The following ODF2 variants were observed in gnomAD, a reference collection of about 807,000 sequenced individuals.
ODF2 encodes outer dense fiber protein 2.
A neutral mutation model predicts 110.2 loss-of-function variants in ODF2; 47 were observed. The observed-to-expected ratio is 0.43, with a 90% CI of 0.34 to 0.54. ODF2 has a LOEUF of 0.54. Ranked by LOEUF, ODF2 falls within the 20% of genes least tolerant of loss-of-function variation. The pLI is 0.03. For synonymous variants in ODF2, 352 were observed against 397.7 expected, an observed-to-expected ratio of 0.89 and a Z score of 1.37; for missense variants, 812 against 1,054.5, an observed-to-expected ratio of 0.77 and a Z score of 3.19.
At chr9:128,467,226 C>T (rs893751216) in intron 4 of ODF2, among the ~76,000 whole-genome samples, 1 of 150,512 alleles carries the variant, frequency 6.6e-6, no homozygotes, top group Non-Finnish European at 1.5e-5. Flanking sequence ...CAGACCTCTA[C>T]AGCATGATGC....
chr9:128,466,392 G>C (rs2131602005), intron 4 of ODF2, among the ~76,000 whole-genome samples: 1 of 151,584 alleles, frequency 6.6e-6, no homozygotes, highest in East Asian at 1.9e-4. Flanking sequence ...GGTTGAGCCT[G>C]GGAGGCAGAG....
At chr9:128,462,987 G>C (rs938399014) in intron 4 of ODF2, among the ~76,000 whole-genome samples, 1 of 152,138 alleles carries the variant, frequency 6.6e-6, no homozygotes, top group Non-Finnish European at 1.5e-5. Context: ...CTGGCTGGGC[G>C]TGGTGGGCTC....
intron 19 of ODF2, 46 bp downstream of exon 19, chr9:128,498,621 A>G (rs1347124275): frequency 1.8e-6 from 2 of 1,088,800 alleles, no homozygotes; most frequent in Non-Finnish European, 2.7e-6. Context: ...CCTTGGGCAA[A>G]TCACCTAAAC....
In ODF2 at chr9:128,460,345, T is replaced by C. The variant is rs746488858; in HGVS notation, c.124-597T>C. On this transcript the variant is annotated intron_variant, in intron 3 of 20. Transcript: ENST00000604420. ...CTTGAGTGGACCAGAATCTCCCTTG[T>C]GGTCTTCTGCTGGGATCTCTGCAGG... 6.3e-6 allele frequency: 9 copies of C among 1,439,158 alleles called. No homozygotes were observed. In the East Asian group the frequency reaches 2.1e-4, roughly 33 times the overall value. 89.1% of individuals were successfully genotyped at this position (1,439,158 alleles called of 1,614,324 possible).
chr9:128,460,559 A>G, intron 3 of ODF2: 9 of 1,613,856 alleles, frequency 5.6e-6, no homozygotes, highest in Non-Finnish European at 7.6e-6. Flanking sequence ...GAAGCCAACC[A>G]TGAAGGACCG....
At chr9:128,457,177 T>A in intron 1 of ODF2, 7 of 1,447,700 alleles carry the variant, frequency 4.8e-6, no homozygotes, top group East Asian at 3.0e-5. Flanking sequence ...CAGCCTCTAC[T>A]ATTTCCCCCT....
rs761923827 is a variant in ODF2, at chr9:128,494,641, A to T, written c.1884A>T (p.Thr628=). The T allele has an allele frequency of 1.2e-6, 2 of 1,614,084 alleles. No individual in the cohort carries two copies. Among genetic ancestry groups the T allele is most frequent in the South Asian group, 2.2e-5 (2 of 91,094 alleles). The change falls in exon 17 of 21, where the codon ACA becomes ACT. Residue 628 remains threonine (T), a synonymous_variant. Transcript: ENST00000604420. The surrounding 1 kb of genome is among the most constrained non-coding windows in gnomAD (Gnocchi z 4.6). Reference sequence around the variant, plus strand: ...ATGAGCGGAAGAACATCGACCTCACAGCCATCATATCAGACCTGCGCAGCC... The same window carrying T: ...ATGAGCGGAAGAACATCGACCTCACTGCCATCATATCAGACCTGCGCAGCC...
chr9:128,460,880 A>G (rs533972400), intron 3 of ODF2, 62 bp from the exon 4 acceptor site: 20 of 1,610,008 alleles, frequency 1.2e-5, no homozygotes, highest in Non-Finnish European at 1.4e-5. Flanking sequence ...GAGGGATGTC[A>G]CTAGCGTGGC....
chr9:128,485,582 C>G lies in ODF2; in HGVS notation c.1400+108C>G. 1.5e-6 allele frequency: 1 copy of G among 652,056 alleles called. No homozygotes were observed. Among genetic ancestry groups the G allele is most frequent in the Non-Finnish European group, 2.8e-6 (1 of 357,624 alleles). 40.4% of individuals were successfully genotyped at this position (652,056 alleles called of 1,614,324 possible). ...AGGCCACGTGGCTGCTGTTTGTACT[C>G]TCCGGGTTGGGGGCTGCACTGGGCT... On this transcript the variant is annotated intron_variant, in intron 13 of 20. Transcript: ENST00000604420. The surrounding 1 kb of genome is among the most constrained non-coding windows in gnomAD (Gnocchi z 5.0).
exon 20 of ODF2, chr9:128,499,043 G>A: frequency 6.2e-7 from 1 of 1,614,218 alleles, no homozygotes; most frequent in Non-Finnish European, 8.5e-7. Flanking sequence ...GGAGCGAGCA[G>A]CCCAGAACAA....
intron 4 of ODF2, among the ~76,000 whole-genome samples, chr9:128,467,915 T>G (rs774822555): frequency 6.6e-6 from 1 of 152,114 alleles, no homozygotes; most frequent in Non-Finnish European, 1.5e-5. Context: ...TTTCAGTGTC[T>G]CGATCTCCTG....
rs372815134 is a variant in ODF2, at chr9:128,482,936, G to A, written c.987+49G>A. On this transcript the variant is annotated intron_variant, in intron 10 of 20. Transcript: ENST00000604420. ...TTTTTAGACGGAGTCTCGCTCTGTC[G>A]CCAGGCTGGAGTGCAATGGCGCGAT... The A allele has an allele frequency of 1.2e-3, 1,720 of 1,479,048 alleles. 3 individuals are homozygous for A. Among genetic ancestry groups the A allele is most frequent in the Non-Finnish European group, 1.5e-3 (1,611 of 1,088,602 alleles). 91.6% of individuals were successfully genotyped at this position (1,479,048 alleles called of 1,614,324 possible).
At chr9:128,464,199 A>G (rs1206802299) in intron 4 of ODF2, among the ~76,000 whole-genome samples, 2 of 133,058 alleles carry the variant, frequency 1.5e-5, no homozygotes, top group African/African-American at 5.8e-5. Flanking sequence ...TCTGTCATCC[A>G]GTCTGGAGTG....
At chr9:128,492,058 G>A (rs1302064020) in intron 14 of ODF2, among the ~76,000 whole-genome samples, 1 of 151,868 alleles carries the variant, frequency 6.6e-6, no homozygotes, top group Non-Finnish European at 1.5e-5. Flanking sequence ...GTAGAGACAG[G>A]ATTTCACTGT....
chr9:128,455,580 A>C (rs1313686804), upstream of ODF2, among the ~76,000 whole-genome samples: 1 of 107,950 alleles, frequency 9.3e-6, no homozygotes, highest in Non-Finnish European at 2.1e-5. Context: ...AAAAAAAAAA[A>C]AAAAAAAAAA....
intron 2 of ODF2, among the ~76,000 whole-genome samples, chr9:128,458,583 CTCTT>C (rs1163686392): frequency 1.4e-5 from 2 of 147,842 alleles, no homozygotes; most frequent in African/African-American, 2.5e-5. Context: ...TTTGCTCTCT[CTCTT>C]TTTTTTTTTT....
At chr9:128,469,499 C>A in intron 5 of ODF2, 146 bp downstream of exon 5, 1 of 759,886 alleles carries the variant, frequency 1.3e-6, no homozygotes. Context: ...TTGCCTGCCC[C>A]GGGAGGTAGC....
At chr9:128,458,479 A>C (rs967460349) in intron 2 of ODF2, among the ~76,000 whole-genome samples, 3 of 151,494 alleles carry the variant, frequency 2.0e-5, no homozygotes, top group Non-Finnish European at 4.4e-5. Context: ...AAAAAAAAAA[A>C]AAGGCCAGGA....
exon 19 of ODF2, chr9:128,498,443 C>G: frequency 1.9e-6 from 3 of 1,607,878 alleles, no homozygotes; most frequent in Non-Finnish European, 2.5e-6. Context: ...CCCAGAATAT[C>G]GAGTTCCTAC....
Sources: gnomAD v4.1 joint callset for allele counts (sites outside exome capture counted in the v4.1 genomes callset) on GRCh38, gnomAD v4.1.1 for gene constraint, Gnocchi (gnomAD v3.1) non-coding constraint, MANE v1.5 for transcripts, NCBI Gene and HGNC (gene_info 2026-07-23, HGNC 2026-07-21) for gene names.